The following ADGRL2 variants were observed in gnomAD, a reference collection of about 807,000 sequenced individuals.
ADGRL2 encodes the protein calcium-independent alpha-latrotoxin receptor 2.
ADGRL2 carries 44 observed loss-of-function variants against 157.4 expected under a neutral mutation model. That is an observed-to-expected ratio of 0.28 (90% confidence interval 0.22 to 0.36). The LOEUF is 0.36. Among genes scored for constraint, ADGRL2 ranks in the 10% least tolerant of loss-of-function variants. The probability of loss-of-function intolerance (pLI) is 1.00; values close to 1 mark genes in which losing one functional copy is unlikely to be tolerated. For missense variants in ADGRL2, 1,510 were observed against 1,768.9 expected (o/e 0.85, Z 2.63); for synonymous variants, 585 against 624.7 (o/e 0.94, Z 0.95).
intron 2 of ADGRL2, among the ~76,000 whole-genome samples, chr1:81,456,674 C>T (rs367991893): frequency 6.7e-6 from 1 of 149,672 alleles, no homozygotes; most frequent in Non-Finnish European, 1.5e-5. Flanking sequence ...CTTTCCTAAA[C>T]AAGCTACAGT....
chr1:81,356,931 G>C (rs575272987), intron 1 of ADGRL2, among the ~76,000 whole-genome samples: 4 of 96,914 alleles, frequency 4.1e-5, no homozygotes, highest in Admixed American at 2.8e-4. Context: ...CCAGCCTGGG[G>C]GACAAAATGA....
intron 1 of ADGRL2, among the ~76,000 whole-genome samples, chr1:81,429,447 C>T (rs1025534727): frequency 9.2e-5 from 14 of 152,134 alleles, no homozygotes; most frequent in Non-Finnish European, 2.1e-4. Context: ...GAACAGCCTG[C>T]CTATGTTTTA....
chr1:81,845,638 A>C (rs1471553392), intron 2 of ADGRL2, among the ~76,000 whole-genome samples: 1 of 150,588 alleles, frequency 6.6e-6, no homozygotes, highest in East Asian at 1.9e-4. Flanking sequence ...CTTTTTGTAC[A>C]CTGCTTTTGC....
chr1:81,744,927 A>G (rs925566198), intron 1 of ADGRL2, among the ~76,000 whole-genome samples: 1 of 152,176 alleles, frequency 6.6e-6, no homozygotes, highest in Admixed American at 6.5e-5. Flanking sequence ...ATTATTCCCA[A>G]TAGCCCTTGC....
At chr1:81,364,454 G>A (rs1037492548) in intron 1 of ADGRL2, among the ~76,000 whole-genome samples, 2 of 152,072 alleles carry the variant, frequency 1.3e-5, no homozygotes, top group Non-Finnish European at 2.9e-5. Flanking sequence ...GGGTAGGTAC[G>A]GAAGGTTAAC....
intron 2 of ADGRL2, among the ~76,000 whole-genome samples, chr1:81,842,281 C>A (rs956057551): frequency 2.2e-5 from 3 of 134,898 alleles, no homozygotes; most frequent in Non-Finnish European, 4.8e-5. Context: ...GCAGATTGTT[C>A]TTTATTCCCC....
intron 1 of ADGRL2, among the ~76,000 whole-genome samples, chr1:81,755,148 T>TTATA (rs5775638): frequency 0.14 from 20,656 of 143,528 alleles, 1,612 homozygotes; most frequent in Admixed American, 0.18. Flanking sequence ...ATATATGTGT[T>TTATA]TATATATATA....
intron 2 of ADGRL2, among the ~76,000 whole-genome samples, chr1:81,490,130 C>A (rs370237949): frequency 7.5e-6 from 1 of 132,482 alleles, no homozygotes. Context: ...TTAACATATT[C>A]TTTTTTTTTT....
intron 2 of ADGRL2, among the ~76,000 whole-genome samples, chr1:81,507,874 T>C (rs1166020765): frequency 6.6e-6 from 1 of 152,212 alleles, no homozygotes; most frequent in African/African-American, 2.4e-5. Context: ...CCAGCTACAT[T>C]GTCTGTTGGG....
At chr1:81,469,405 C>T (rs1388931643) in intron 2 of ADGRL2, among the ~76,000 whole-genome samples, 1 of 152,166 alleles carries the variant, frequency 6.6e-6, no homozygotes, top group Non-Finnish European at 1.5e-5. Context: ...ATACCCAGTG[C>T]TTCTGTTAAA....
In ADGRL2 at chr1:81,377,032, A is replaced by T. The variant is rs540986790; in HGVS notation, c.-301-68004A>T. Among the ~76,000 whole-genome samples the T allele has an allele frequency of 9.2e-4, 140 of 151,928 alleles. 1 individual carries two copies. The highest frequency in any genetic ancestry group is 2.6e-3 in the African/African-American group (107 of 41,414). On this transcript the variant is annotated intron_variant, in intron 1 of 24. Transcript: ENST00000370721. ...GCGAGACACCATCTCTCCAAAAAAA[A>T]TTTTTTTTTAATTAGCTGGGCATGG...
At chr1:81,445,798 T>G (rs1386054265) in intron 2 of ADGRL2, among the ~76,000 whole-genome samples, 1 of 152,218 alleles carries the variant, frequency 6.6e-6, no homozygotes, top group African/African-American at 2.4e-5. Flanking sequence ...CTCCACATTC[T>G]TATTTGCAAA....
Position 81,392,519 on chromosome 1 carries a change from G to A in ADGRL2, c.-301-52517G>A, listed in dbSNP as rs116272330. ...GAAGAAAAAAAAATTATCTATATTA[G>A]AGTAGTATTAGTCTAATCCTACATC... On this transcript the variant is annotated intron_variant, in intron 1 of 24. Coordinates refer to the ADGRL2 transcript ENST00000370721. Among the ~76,000 whole-genome samples, 560 of 152,098 alleles carry A rather than the reference G, an allele frequency of 3.7e-3. 1 individual carries two copies. Among genetic ancestry groups the A allele is most frequent in the African/African-American group, 0.013 (535 of 41,496 alleles).
chr1:81,532,954 A>ATCTG (rs2079638698), intron 2 of ADGRL2, among the ~76,000 whole-genome samples: 2 of 145,494 alleles, frequency 1.4e-5, no homozygotes, highest in Non-Finnish European at 3.0e-5. Flanking sequence ...CTATCTATCT[A>ATCTG]TCTATCTATC....
intron 1 of ADGRL2, among the ~76,000 whole-genome samples, chr1:81,804,386 G>T (rs2088795562): frequency 6.6e-6 from 1 of 152,200 alleles, no homozygotes. Context: ...TTGAATTAAT[G>T]CAAGTGTGAA....
At chr1:81,537,075 A>G (rs550571311) in intron 2 of ADGRL2, among the ~76,000 whole-genome samples, 23 of 152,192 alleles carry the variant, frequency 1.5e-4, no homozygotes, top group Non-Finnish European at 2.9e-4. Context: ...TACACAAAAC[A>G]TTTCAAACCT....
At chr1:81,882,404 C>A (rs965575015) in intron 2 of ADGRL2, among the ~76,000 whole-genome samples, 2 of 152,148 alleles carry the variant, frequency 1.3e-5, no homozygotes, top group Non-Finnish European at 2.9e-5. Context: ...GAGTAAAAAA[C>A]CTTTTTTTAA....
At chr1:81,362,837 TA>T (rs1344573404) in intron 1 of ADGRL2, among the ~76,000 whole-genome samples, 1 of 152,010 alleles carries the variant, frequency 6.6e-6, no homozygotes, top group Non-Finnish European at 1.5e-5. Flanking sequence ...ATTCAGTGGT[TA>T]GCCCATGATT....
chr1:81,840,701 A>G (rs2092541214), intron 2 of ADGRL2, among the ~76,000 whole-genome samples: 1 of 152,172 alleles, frequency 6.6e-6, no homozygotes, highest in African/African-American at 2.4e-5. Flanking sequence ...AAATAGGATT[A>G]ATATTTTACA....
Sources: gnomAD v4.1 joint callset for allele counts (sites outside exome capture counted in the v4.1 genomes callset) on GRCh38, gnomAD v4.1.1 for gene constraint, MANE v1.5 for transcripts, NCBI Gene and HGNC (gene_info 2026-07-23, HGNC 2026-07-21) for gene names.